Variants in DCC observed in about 807,000 individuals in gnomAD.
DCC encodes netrin receptor DCC.
In DCC, 58 loss-of-function variants were observed where a neutral mutation model predicts 172.5. That is an observed-to-expected ratio of 0.34 (90% CI 0.27 to 0.42). The LOEUF (loss-of-function observed/expected upper bound fraction) is 0.42. DCC is among the 10% of genes least tolerant of loss of function. The pLI, the probability that DCC is intolerant of heterozygous loss-of-function variation, is 1.00. For synonymous variants in DCC, 709 were observed against 644.5 expected (o/e 1.10, Z -1.52); for missense variants, 1,740 against 1,791.0 (o/e 0.97, Z 0.51).
chr18:53,190,475 T>A (rs1219723216), intron 9 of DCC, among the ~76,000 whole-genome samples: 1 of 128,492 alleles, frequency 7.8e-6, no homozygotes, highest in Non-Finnish European at 1.7e-5. Context: ...TGTGTGTGTG[T>A]GTGTGTGTGT....
At chr18:53,316,305 T>C (rs958989765) in intron 13 of DCC, among the ~76,000 whole-genome samples, 2 of 152,190 alleles carry the variant, frequency 1.3e-5, no homozygotes, top group African/African-American at 4.8e-5. Flanking sequence ...TCTGTTCCTT[T>C]GCTCTATATA....
intron 5 of DCC, among the ~76,000 whole-genome samples, chr18:52,958,772 GT>G (rs2040790920): frequency 6.6e-6 from 1 of 152,148 alleles, no homozygotes; most frequent in Non-Finnish European, 1.5e-5. Context: ...GGAGAGACAT[GT>G]TGTCGGGAGG....
At chr18:52,882,747 A>C (rs1274649152) in intron 2 of DCC, among the ~76,000 whole-genome samples, 2 of 152,106 alleles carry the variant, frequency 1.3e-5, no homozygotes, top group African/African-American at 4.8e-5. Flanking sequence ...ATTGGATGAA[A>C]TGTACTGTAA....
chr18:53,131,527 T>C (rs937054121), intron 7 of DCC, among the ~76,000 whole-genome samples: 1 of 152,146 alleles, frequency 6.6e-6, no homozygotes, highest in South Asian at 2.1e-4. Flanking sequence ...TGTGCTCAAA[T>C]GGCACTTTGA....
chr18:52,412,381 T>C (rs1475498019), intron 1 of DCC, among the ~76,000 whole-genome samples: 1 of 152,070 alleles, frequency 6.6e-6, no homozygotes, highest in Non-Finnish European at 1.5e-5. Context: ...AGATTTAATA[T>C]TATGGAAGGA....
At chr18:52,894,600 T>C (rs1415271738) in intron 2 of DCC, among the ~76,000 whole-genome samples, 1 of 151,808 alleles carries the variant, frequency 6.6e-6, no homozygotes, top group Non-Finnish European at 1.5e-5. Context: ...GGCTTAGAAG[T>C]CCTAGTATCT....
At chr18:53,214,986 C>T (rs114402142) in intron 11 of DCC, among the ~76,000 whole-genome samples, 1 of 152,118 alleles carries the variant, frequency 6.6e-6, no homozygotes, top group Non-Finnish European at 1.5e-5. Flanking sequence ...ATTGACTCAT[C>T]AAGTGCTATT....
At chr18:53,529,054 A>T (rs1412237740) in intron 28 of DCC, among the ~76,000 whole-genome samples, 61 of 149,526 alleles carry the variant, frequency 4.1e-4, no homozygotes, top group African/African-American at 1.1e-3. Context: ...ACACACACAC[A>T]CACACACACA....
chr18:53,274,570 T>C (rs566334443), intron 12 of DCC, among the ~76,000 whole-genome samples: 266 of 152,288 alleles, frequency 1.7e-3, no homozygotes, highest in Middle Eastern at 6.8e-3. Flanking sequence ...GCAAGTTGCA[T>C]AGGAGAAAAC....
intron 7 of DCC, among the ~76,000 whole-genome samples, chr18:53,090,680 C>T (rs1464696298): frequency 2.4e-5 from 2 of 85,106 alleles, no homozygotes; most frequent in African/African-American, 4.0e-5. Flanking sequence ...GGTGACAGAG[C>T]GAAACTCCGT....
At chr18:52,973,100 A>T (rs1391438791) in intron 5 of DCC, among the ~76,000 whole-genome samples, 1 of 152,220 alleles carries the variant, frequency 6.6e-6, no homozygotes, top group African/African-American at 2.4e-5. Flanking sequence ...TATTCAATCA[A>T]TGTTTGTTGA....
intron 3 of DCC, among the ~76,000 whole-genome samples, chr18:52,911,009 C>G (rs1313601221): frequency 2.0e-5 from 3 of 152,038 alleles, no homozygotes; most frequent in Non-Finnish European, 1.5e-5. Context: ...TTTTCTTCAT[C>G]ACTAAGAACT....
chr18:53,110,003 C>T (rs7235602), intron 7 of DCC, among the ~76,000 whole-genome samples: 23,670 of 151,148 alleles, frequency 0.16, 2,323 homozygotes, highest in African/African-American at 0.27. Context: ...AAAATGATGA[C>T]GTATTTAACA....
At chr18:52,892,949 T>C (rs2039672660) in intron 2 of DCC, among the ~76,000 whole-genome samples, 1 of 152,150 alleles carries the variant, frequency 6.6e-6, no homozygotes, top group Non-Finnish European at 1.5e-5. Flanking sequence ...TCTGTTGGGA[T>C]TTCTGGCTTC....
At chr18:53,036,519 G>A (rs557089955) in intron 5 of DCC, among the ~76,000 whole-genome samples, 2 of 152,072 alleles carry the variant, frequency 1.3e-5, no homozygotes, top group South Asian at 2.1e-4. Context: ...TTCAGATAAC[G>A]TTCCTTCTGC....
chr18:52,492,701 C>T (rs1178747683), intron 1 of DCC, among the ~76,000 whole-genome samples: 1 of 152,052 alleles, frequency 6.6e-6, no homozygotes. Context: ...TTCCCCAACA[C>T]GAAAGCTGTG....
chr18:52,556,115 G>T (rs1406052976), intron 1 of DCC, among the ~76,000 whole-genome samples: 3 of 152,072 alleles, frequency 2.0e-5, no homozygotes, highest in Non-Finnish European at 4.4e-5. Context: ...CCAGGGAGAA[G>T]AATAATACAG....
At chr18:53,500,867 G>T (rs1010480468) in intron 27 of DCC, among the ~76,000 whole-genome samples, 14 of 151,890 alleles carry the variant, frequency 9.2e-5, no homozygotes, top group Admixed American at 9.2e-4. Flanking sequence ...GGTCTGTATT[G>T]CCCAAGCCCC....
chr18:52,570,933 G>T lies in DCC; in HGVS notation c.92-181121G>T, dbSNP rs2033277742. 2.6e-5 allele frequency among the ~76,000 whole-genome samples: 4 copies of T among 152,136 alleles called. 1 individual carries two copies. On this transcript the variant is annotated intron_variant, in intron 1 of 28. Transcript: ENST00000442544. ...CTAATTAGTTTTTCTAGCTGGCTGT[G>T]TCATGCTAAGAGGTTTTAGCTTACT...
Sources: allele counts gnomAD v4.1 joint callset (sites outside exome capture counted in the v4.1 genomes callset), GRCh38; gene constraint gnomAD v4.1.1; transcripts MANE v1.5; gene names NCBI Gene and HGNC (gene_info 2026-07-23, HGNC 2026-07-21).